The following CHM variants were observed in gnomAD, a reference collection of about 807,000 sequenced individuals.
CHM encodes CHM Rab escort protein.
Under a neutral mutation model 49.0 loss-of-function variants are expected in CHM, and 10 were observed. That is an observed-to-expected ratio of 0.20 (90% CI 0.13 to 0.35). The LOEUF is 0.35. Among genes scored for constraint, CHM ranks in the 10% least tolerant of loss-of-function variants. The pLI is 1.00. For missense variants in CHM, 455 were observed against 478.4 expected (o/e 0.95, Z 0.46); for synonymous variants, 184 against 167.5 (o/e 1.10, Z -0.76).
chrX:85,942,281 C>T (rs1196532825), intron 8 of CHM, among the ~76,000 whole-genome samples: 3 of 106,293 alleles, frequency 2.8e-5, no homozygotes, highest in Non-Finnish European at 5.8e-5. Context: ...ACCCCCAACC[C>T]CCAACCCCAA....
At chrX:85,963,165 C>T (rs754885278) in intron 5 of CHM, among the ~76,000 whole-genome samples, 78 of 111,616 alleles carry the variant, frequency 7.0e-4, no homozygotes, top group African/African-American at 2.4e-3. Flanking sequence ...TCTCCTAATG[C>T]TATCCCTTCC....
chrX:85,945,504 G>A (rs1416069185), intron 8 of CHM, among the ~76,000 whole-genome samples: 1 of 102,789 alleles, frequency 9.7e-6, no homozygotes, highest in Admixed American at 1.1e-4. Flanking sequence ...TGTCATAATT[G>A]TAAGCTTCCT....
At chrX:85,964,284 CCA>C (rs1177979487) in intron 4 of CHM, among the ~76,000 whole-genome samples, 1 of 110,827 alleles carries the variant, frequency 9.0e-6, no homozygotes, top group African/African-American at 3.3e-5. Flanking sequence ...AAGCAAATTA[CCA>C]CAGTGATGAA....
intron 13 of CHM, among the ~76,000 whole-genome samples, chrX:85,876,053 TG>T (rs1356129184): frequency 1.8e-5 from 2 of 111,640 alleles, no homozygotes. Context: ...ATTAAAAATG[TG>T]CAAAGGAAAT....
chrX:86,037,110 C>CT (rs1048558599), intron 1 of CHM, among the ~76,000 whole-genome samples: 2,583 of 70,460 alleles, frequency 0.037, 16 homozygotes, highest in African/African-American at 0.044. Context: ...CTAATTTTTC[C>CT]TTTTTTTTTT....
At chrX:85,888,817 G>A (rs1347235093) in intron 12 of CHM, among the ~76,000 whole-genome samples, 1 of 112,167 alleles carries the variant, frequency 8.9e-6, no homozygotes, top group Non-Finnish European at 1.9e-5. Flanking sequence ...TGAAAAAATT[G>A]AGGTCTCACT....
chrX:85,883,003 C>T (rs1417492816), intron 12 of CHM, among the ~76,000 whole-genome samples: 1 of 111,270 alleles, frequency 9.0e-6, no homozygotes. Flanking sequence ...CTTCCGGTCT[C>T]AAATTTACGA....
At chrX:85,973,256 G>A (rs934881975) in intron 4 of CHM, among the ~76,000 whole-genome samples, 1 of 80,191 alleles carries the variant, frequency 1.2e-5, no homozygotes, top group African/African-American at 5.1e-5. Flanking sequence ...CCGAGATCAC[G>A]CCACTGCACT....
intron 8 of CHM, among the ~76,000 whole-genome samples, chrX:85,938,659 C>T (rs779009242): frequency 3.7e-5 from 4 of 108,764 alleles, no homozygotes; most frequent in African/African-American, 6.7e-5. Context: ...GCACATTATA[C>T]GCACAATATT....
At chrX:85,960,473 G>A (rs1930234609) in intron 5 of CHM, among the ~76,000 whole-genome samples, 1 of 109,292 alleles carries the variant, frequency 9.1e-6, no homozygotes, top group Non-Finnish European at 1.9e-5. Context: ...GCTCAGGCTG[G>A]AGTGCAGTGG....
chrX:85,928,228 T>G (rs1349334056), intron 8 of CHM, among the ~76,000 whole-genome samples: 1 of 112,292 alleles, frequency 8.9e-6, no homozygotes, highest in African/African-American at 3.2e-5. Context: ...TATATACATA[T>G]GCATTCGTAC....
chrX:86,038,728 C>T (rs935642605), intron 1 of CHM, among the ~76,000 whole-genome samples: 1 of 111,819 alleles, frequency 8.9e-6, no homozygotes, highest in Non-Finnish European at 1.9e-5. Flanking sequence ...ATAAACACAA[C>T]CAGGTCATTC....
chrX:85,907,911 T>C (rs1342279175), intron 9 of CHM, among the ~76,000 whole-genome samples: 3 of 111,894 alleles, frequency 2.7e-5, no homozygotes, highest in Non-Finnish European at 5.6e-5. Context: ...CCTTTTCTTA[T>C]AGAGAACTTA....
chrX:85,899,699 C>A (rs111829376), intron 11 of CHM, among the ~76,000 whole-genome samples: 2,187 of 73,102 alleles, frequency 0.03, 94 homozygotes, highest in African/African-American at 0.11. Context: ...CCCAAAAAAA[C>A]CCCTAAAATC....
intron 2 of CHM, among the ~76,000 whole-genome samples, chrX:86,024,569 G>A (rs1278471673): frequency 1.8e-5 from 2 of 112,031 alleles, no homozygotes; most frequent in Non-Finnish European, 3.8e-5. Flanking sequence ...CTAGAGAGCT[G>A]GAGATAAAGT....
At chrX:85,935,698 CTGT>C (rs1370334031) in intron 8 of CHM, among the ~76,000 whole-genome samples, 2 of 111,957 alleles carry the variant, frequency 1.8e-5, no homozygotes, top group Non-Finnish European at 3.8e-5. Context: ...TATATGTGGT[CTGT>C]TGTTGACTGA....
Position 85,957,959 on chromosome X carries a change from G to A in CHM, c.836C>T (p.Ala279Val). 4.1e-6 allele frequency: 5 copies of A among 1,210,282 alleles called. No homozygotes were observed. The highest frequency in any genetic ancestry group is 4.5e-6 in the Non-Finnish European group (4 of 894,623). The change falls in exon 7 of 15, where the codon GCA (alanine) becomes GTA (valine). Residue 279 changes from alanine (A) to valine (V), a missense_variant. Transcript: ENST00000357749. ...AAGTTGTTTGCTATTAAAGACATCT[G>A]CTCTGGAACACGGAACCTGAAAAAT... is the stretch of plus-strand genomic sequence containing the variant. ...GRVEQVPCSR[A>V]DVFNSKQLTM...
intron 1 of CHM, among the ~76,000 whole-genome samples, chrX:86,031,538 T>C (rs1934044594): frequency 8.9e-6 from 1 of 112,233 alleles, no homozygotes; most frequent in Non-Finnish European, 1.9e-5. Flanking sequence ...TTATGCTTCA[T>C]GGTTTTTAAA....
At chrX:85,964,185 T>G (rs1930456388) in intron 4 of CHM, 133 bp from the exon 5 acceptor site, 3 of 557,702 alleles carry the variant, frequency 5.4e-6, no homozygotes, top group Non-Finnish European at 5.5e-6. Context: ...CAGTAAAATA[T>G]GAAACAAAAT....
Sources: allele counts gnomAD v4.1 joint callset (sites outside exome capture counted in the v4.1 genomes callset), GRCh38; gene constraint gnomAD v4.1.1; transcripts MANE v1.5; gene names NCBI Gene and HGNC (gene_info 2026-07-23, HGNC 2026-07-21).